THSD4: variants seen among roughly 807,000 people sequenced by gnomAD.
THSD4 encodes thrombospondin type-1 domain-containing protein 4.
A neutral mutation model predicts 119.0 loss-of-function variants in THSD4; 69 were observed. The observed-to-expected ratio is 0.58, with a 90% CI of 0.48 to 0.71. THSD4 has a LOEUF of 0.71. Ranked by LOEUF, THSD4 falls within the 30% of genes least tolerant of loss-of-function variation. The probability of loss-of-function intolerance (pLI) is 0.00; values close to 1 mark genes in which losing one functional copy is unlikely to be tolerated. For missense variants in THSD4, 1,393 were observed against 1,391.1 expected (o/e 1.00, Z -0.02); for synonymous variants, 524 against 540.4 (o/e 0.97, Z 0.42).
chr15:71,462,424 A>G (rs1283536155), intron 7 of THSD4, among the ~76,000 whole-genome samples: 1 of 152,184 alleles, frequency 6.6e-6, no homozygotes, highest in Non-Finnish European at 1.5e-5. Context: ...AAATGTTGGG[A>G]TTGCAGGCAT....
intron 4 of THSD4, among the ~76,000 whole-genome samples, chr15:71,223,408 G>A (rs769463551): frequency 5.3e-5 from 8 of 152,200 alleles, no homozygotes; most frequent in Non-Finnish European, 1.0e-4. Flanking sequence ...AGCTTTTAGT[G>A]TTACATAGGA....
At chr15:71,676,313 G>A (rs1051991519) in intron 8 of THSD4, among the ~76,000 whole-genome samples, 9 of 151,976 alleles carry the variant, frequency 5.9e-5, no homozygotes, top group East Asian at 1.9e-4. Context: ...ACGGAGTCTC[G>A]CTGTGTCGCC....
intron 8 of THSD4, among the ~76,000 whole-genome samples, chr15:71,705,386 G>A (rs1027092066): frequency 2.6e-5 from 4 of 152,164 alleles, no homozygotes; most frequent in Non-Finnish European, 5.9e-5. Context: ...TTCCTCAGAC[G>A]CCATTGGACT....
At position 71,421,063 on chromosome 15, in the gene THSD4, G is replaced by T; in HGVS notation, c.1152+9240G>T. Among the ~76,000 whole-genome samples the T allele has an allele frequency of 2.3e-5, 2 of 87,774 alleles. 1 individual carries two copies. Among genetic ancestry groups the T allele is most frequent in the Middle Eastern group, 0.012 (2 of 162 alleles). 57.6% of individuals were successfully genotyped at this position (87,774 alleles called of 152,430 possible). The stretch of plus-strand genomic sequence containing the variant: ...TGCACCTATAATTCTAGCTACTCAG[G>T]CATGAAAACTGCCTGAGTTCAGGAG... On this transcript the variant is annotated intron_variant, in intron 7 of 17. Transcript: ENST00000261862.
At position 71,215,367 on chromosome 15, in the gene THSD4, G is replaced by A; in HGVS notation, c.432G>A (p.Gln144=). 1 of 1,532,154 alleles carries A rather than the reference G, an allele frequency of 6.5e-7. No homozygotes were observed. The allele number at this position is 1,532,154 out of a possible 1,614,324, so 94.9% of individuals were successfully genotyped here. Residue 144 remains glutamine, a synonymous_variant, in exon 4 of 18, where the codon CAG becomes CAA. Transcript: ENST00000261862. ...PTVLRGSRHP[Q]PQGLEVTGDR... ...TGCTGCGAGGCAGCCGGCACCCACAGCCCCAGGGCCTCGAAGTCACTGGGG... is the reference window on the plus strand; with the variant it reads ...TGCTGCGAGGCAGCCGGCACCCACAACCCCAGGGCCTCGAAGTCACTGGGG...
intron 8 of THSD4, among the ~76,000 whole-genome samples, chr15:71,724,073 A>T (rs1397935515): frequency 0.022 from 123 of 5,682 alleles, 1 homozygote; most frequent in South Asian, 0.25. Context: ...TTATTTAAAA[A>T]AAAAAAAAAA....
At chr15:71,213,986 C>T (rs921233078) in intron 3 of THSD4, among the ~76,000 whole-genome samples, 2 of 152,146 alleles carry the variant, frequency 1.3e-5, no homozygotes, top group Non-Finnish European at 2.9e-5. Context: ...CTTCCTAGGT[C>T]GAGTGGGGAC....
At chr15:71,105,989 G>A (rs920192251) in intron 1 of THSD4, among the ~76,000 whole-genome samples, 4 of 152,194 alleles carry the variant, frequency 2.6e-5, no homozygotes, top group Admixed American at 6.5e-5. Context: ...GAGGGTTTGG[G>A]GGGTGGGACA....
intron 7 of THSD4, among the ~76,000 whole-genome samples, chr15:71,412,314 A>G (rs778632142): frequency 6.6e-6 from 1 of 152,056 alleles, no homozygotes; most frequent in African/African-American, 2.4e-5. Context: ...GAAGTTTTCA[A>G]CCTCCTTAGG....
chr15:71,643,546 G>T (rs1298104231), intron 7 of THSD4, among the ~76,000 whole-genome samples: 1 of 152,162 alleles, frequency 6.6e-6, no homozygotes, highest in Non-Finnish European at 1.5e-5. Context: ...CCACTTGTAA[G>T]TGAGAACATG....
intron 7 of THSD4, among the ~76,000 whole-genome samples, chr15:71,588,486 CA>C (rs993040037): frequency 6.0e-4 from 92 of 152,086 alleles, no homozygotes; most frequent in African/African-American, 2.1e-3. Context: ...TACAGTGATG[CA>C]GTCTCTGCTT....
intron 6 of THSD4, among the ~76,000 whole-genome samples, chr15:71,330,075 T>C (rs1288569128): frequency 6.7e-6 from 1 of 149,048 alleles, no homozygotes; most frequent in Non-Finnish European, 1.5e-5. Flanking sequence ...GAGCAAGACC[T>C]CGTCTCCAAA....
At chr15:71,708,606 G>C (rs1366570486) in intron 8 of THSD4, among the ~76,000 whole-genome samples, 2 of 152,162 alleles carry the variant, frequency 1.3e-5, no homozygotes, top group Non-Finnish European at 2.9e-5. Flanking sequence ...ACCAAAAGGA[G>C]AATAAGGCAT....
intron 7 of THSD4, among the ~76,000 whole-genome samples, chr15:71,562,893 G>A (rs1171916142): frequency 2.0e-5 from 3 of 151,696 alleles, no homozygotes; most frequent in South Asian, 2.1e-4. Context: ...TAGTAGAAAC[G>A]GGGTTTCGCC....
At chr15:71,281,873 G>C (rs879629821) in intron 6 of THSD4, among the ~76,000 whole-genome samples, 1 of 152,096 alleles carries the variant, frequency 6.6e-6, no homozygotes, top group Admixed American at 6.6e-5. Context: ...CCTATTTGTC[G>C]TGTTCAGCCA....
chr15:71,599,952 T>C (rs80329596), intron 7 of THSD4, among the ~76,000 whole-genome samples: 2,857 of 152,334 alleles, frequency 0.019, 79 homozygotes, highest in African/African-American at 0.064. Context: ...TGTTTGACCA[T>C]AAGCTCTCAC....
chr15:71,130,869 C>T (rs960248370), intron 1 of THSD4, among the ~76,000 whole-genome samples: 9 of 152,118 alleles, frequency 5.9e-5, no homozygotes, highest in Non-Finnish European at 1.0e-4. Context: ...CTCAGTCTCC[C>T]GAGTAGCTGG....
At chr15:71,213,318 C>A (rs112255287) in intron 3 of THSD4, among the ~76,000 whole-genome samples, 2 of 152,352 alleles carry the variant, frequency 1.3e-5, no homozygotes, top group African/African-American at 2.4e-5. Context: ...TAGGGTCCAC[C>A]TGGCTTACCT....
intron 6 of THSD4, among the ~76,000 whole-genome samples, chr15:71,373,660 A>G (rs1408730155): frequency 6.6e-6 from 1 of 152,124 alleles, no homozygotes; most frequent in South Asian, 2.1e-4. Flanking sequence ...TCTTGGCCCT[A>G]CTCTGCCACT....
Sources: gnomAD v4.1 joint callset for allele counts (sites outside exome capture counted in the v4.1 genomes callset) on GRCh38, gnomAD v4.1.1 for gene constraint, MANE v1.5 for transcripts, NCBI Gene and HGNC (gene_info 2026-07-23, HGNC 2026-07-21) for gene names.